Variants in NMT1 observed in about 807,000 individuals in gnomAD.
The protein encoded by NMT1 is N-myristoyltransferase 1.
NMT1 carries 12 observed loss-of-function variants against 63.4 expected under a neutral mutation model. That is an observed-to-expected ratio of 0.19 (90% CI 0.12 to 0.31). The LOEUF is 0.31. NMT1 is among the 10% of genes least tolerant of loss of function. NMT1 has a pLI of 1.00. For missense variants in NMT1, 432 were observed against 634.6 expected, an observed-to-expected ratio of 0.68 and a Z score of 3.43; for synonymous variants, 228 against 234.3, an observed-to-expected ratio of 0.97 and a Z score of 0.25.
chr17:45,068,709 C>A (rs1451371072), intron 1 of NMT1, among the ~76,000 whole-genome samples: 1 of 151,792 alleles, frequency 6.6e-6, no homozygotes, highest in African/African-American at 2.4e-5. Flanking sequence ...TACAGTGGCA[C>A]GATCTTAGCT....
intron 5 of NMT1, 22 bp from the exon 6 acceptor site, chr17:45,097,106 C>G (rs772687364): frequency 6.2e-6 from 10 of 1,603,632 alleles, no homozygotes; most frequent in Middle Eastern, 1.7e-4. Flanking sequence ...GCAGCACAAC[C>G]ACCCCAGCCT....
chr17:45,071,779 G>C (rs185332689), intron 1 of NMT1, among the ~76,000 whole-genome samples: 8 of 152,244 alleles, frequency 5.3e-5, no homozygotes, highest in African/African-American at 1.9e-4. Context: ...GAGTACAGTG[G>C]CTATTCACAA....
chr17:45,079,976 G>T (rs775427983), intron 1 of NMT1, among the ~76,000 whole-genome samples: 1 of 152,184 alleles, frequency 6.6e-6, no homozygotes, highest in South Asian at 2.1e-4. Context: ...GGGATTACAG[G>T]CGTGAGCCAC....
chr17:45,100,427 G>A (rs778555135), intron 8 of NMT1, among the ~76,000 whole-genome samples: 46 of 151,568 alleles, frequency 3.0e-4, no homozygotes, highest in Non-Finnish European at 6.0e-4. Context: ...TTAGCCAGTC[G>A]TGGTGTGGTG....
intron 8 of NMT1, chr17:45,099,845 A>G (rs1277479712): frequency 3.9e-6 from 1 of 258,906 alleles, no homozygotes; most frequent in African/African-American, 2.2e-5. Context: ...CTTCATACAC[A>G]CGGCAGCGCG....
intron 1 of NMT1, among the ~76,000 whole-genome samples, chr17:45,077,569 T>C (rs934683479): frequency 6.6e-6 from 1 of 152,198 alleles, no homozygotes; most frequent in Non-Finnish European, 1.5e-5. Flanking sequence ...TTTGTATTTT[T>C]AGTAGAGACA....
chr17:45,099,529 G>A lies in NMT1; in HGVS notation c.993+16G>A. Reference sequence around the variant, plus strand: ...ACTGCCAGAGGCCAGTGCTGCCCCGGGTGGTGGGCAGGGGGCAGAGAGAGG... The same window carrying A: ...ACTGCCAGAGGCCAGTGCTGCCCCGAGTGGTGGGCAGGGGGCAGAGAGAGG... On this transcript the variant is annotated intron_variant, in intron 8 of 11. Coordinates refer to ENST00000258960, the MANE Select transcript of NMT1 (RefSeq NM_021079.5). 2 of 1,578,974 alleles carry A rather than the reference G, an allele frequency of 1.3e-6. No individual in the cohort carries two copies. Among genetic ancestry groups the A allele is most frequent in the Admixed American group, 3.3e-5 (2 of 59,988 alleles).
At chr17:45,094,566 G>A (rs924209063) in intron 4 of NMT1, among the ~76,000 whole-genome samples, 3 of 149,732 alleles carry the variant, frequency 2.0e-5, no homozygotes, top group African/African-American at 7.4e-5. Flanking sequence ...CCAGGCTGGA[G>A]TGCAGTGACA....
In NMT1 at chr17:45,103,474, C is replaced by T. The variant is rs1231641396; in HGVS notation, c.1165-235C>T. 2.0e-5 allele frequency among the ~76,000 whole-genome samples: 3 copies of T among 152,198 alleles called. No individual in the cohort carries two copies. Among genetic ancestry groups the T allele is most frequent in the Admixed American group, 6.5e-5 (1 of 15,276 alleles). The stretch of plus-strand genomic sequence containing the variant: ...GGATGTGAGCTGCAAGAAGAGGTCC[C>T]TGGCGGTGCCCATGCTGGGAAAGAG... On this transcript the variant is annotated intron_variant, in intron 9 of 11. Transcript: ENST00000258960. The surrounding 1 kb of genome is among the most constrained non-coding windows in gnomAD (Gnocchi z 4.8).
rs996603447 is a variant in NMT1 at position 45,081,830 on chromosome 17, A to G, written c.240+78A>G. On this transcript the variant is annotated intron_variant, in intron 2 of 11. Transcript: ENST00000258960. ...GTTTTGAGGTGAATGTATAGGATCAACTTGGATTGACGTTCTCCACTGGTA... is the reference window on the plus strand; with the variant it reads ...GTTTTGAGGTGAATGTATAGGATCAGCTTGGATTGACGTTCTCCACTGGTA... The G allele has an allele frequency of 4.6e-6, 5 of 1,096,406 alleles. No individual in the cohort carries two copies. The East Asian group carries it at 1.3e-4, about 28-fold the overall frequency. The allele number at this position is 1,096,406 out of a possible 1,614,324, so 67.9% of individuals were successfully genotyped here.
chr17:45,099,450 G>A lies in NMT1; in HGVS notation c.930G>A (p.Lys310=). ...ACCCACGGAAGCTGATTGAAGTGAA[G>A]TTCTCCCACCTGAGCAGAAATATGA... ...SLNPRKLIEV[K]FSHLSRNMTM... The change falls in exon 8 of 12, where the codon AAG becomes AAA. Residue 310 remains lysine (K), a synonymous_variant. Coordinates refer to ENST00000258960, the MANE Select transcript of NMT1 (RefSeq NM_021079.5). 2.5e-6 allele frequency: 4 copies of A among 1,614,190 alleles called. No homozygotes were observed. Among genetic ancestry groups the A allele is most frequent in the African/African-American group, 1.3e-5 (1 of 75,052 alleles).
At chr17:45,092,299 A>G (rs1280272075) in intron 3 of NMT1, among the ~76,000 whole-genome samples, 2 of 152,154 alleles carry the variant, frequency 1.3e-5, no homozygotes. Context: ...GTGCTCAGTA[A>G]TGTGTCTGAT....
chr17:45,094,367 G>A (rs145168596), intron 4 of NMT1, among the ~76,000 whole-genome samples: 3 of 151,436 alleles, frequency 2.0e-5, no homozygotes, highest in Non-Finnish European at 4.4e-5. Context: ...GGTGGTGTAC[G>A]CCTGTATCCC....
intron 4 of NMT1, 102 bp downstream of exon 4, chr17:45,093,905 G>A (rs1013081428): frequency 1.5e-4 from 137 of 920,980 alleles, no homozygotes; most frequent in Non-Finnish European, 8.1e-5. Context: ...CTAGAGAGCT[G>A]AGCCAAGGAG....
chr17:45,073,134 G>A (rs2053954158), intron 1 of NMT1, among the ~76,000 whole-genome samples: 1 of 151,988 alleles, frequency 6.6e-6, no homozygotes, highest in Non-Finnish European at 1.5e-5. Context: ...TGTATAAGAT[G>A]TAGTCTGGCC....
In NMT1 at chr17:45,093,673, CTCT is replaced by C; in HGVS notation, c.386-7_386-5del. 2 of 1,611,538 alleles carry C rather than the reference CTCT, an allele frequency of 1.2e-6. No homozygotes were observed. Among genetic ancestry groups the C allele is most frequent in the African/African-American group, 1.3e-5 (1 of 75,038 alleles). On this transcript the variant is annotated splice_polypyrimidine_tract_variant and intron_variant, in intron 3 of 11. Coordinates refer to ENST00000258960, the MANE Select transcript of NMT1 (RefSeq NM_021079.5). Reference sequence around the variant, plus strand: ...GCAAAGGGTGAGGCTCACAGCTGTGCTCTTCTTTCAGGCGAAGTGGTGAACACC... The same window carrying C: ...GCAAAGGGTGAGGCTCACAGCTGTGCTCTTTCAGGCGAAGTGGTGAACACC...
At chr17:45,102,920 T>A (rs1012336803) in intron 8 of NMT1, 31 bp from the exon 9 acceptor site, 1 of 1,588,098 alleles carries the variant, frequency 6.3e-7, no homozygotes, top group Non-Finnish European at 8.6e-7. Context: ...GATCAGCTCA[T>A]CTCACTCCAT....
At chr17:45,074,321 TCTC>T (rs2053963917) in intron 1 of NMT1, among the ~76,000 whole-genome samples, 1 of 151,926 alleles carries the variant, frequency 6.6e-6, no homozygotes, top group South Asian at 2.1e-4. Flanking sequence ...TTCACGCCAT[TCTC>T]CTGCCTCAGC....
Position 45,107,996 on chromosome 17 carries a change from C to G in NMT1, c.*2357C>G, listed in dbSNP as rs905022668. The G allele has an allele frequency of 2.0e-5, 3 of 152,422 alleles. No homozygotes were observed. Among genetic ancestry groups the G allele is most frequent in the Non-Finnish European group, 4.4e-5 (3 of 68,090 alleles). The allele number at this position is 152,422 out of a possible 1,614,324, so 9.4% of individuals were successfully genotyped here. On this transcript the variant is annotated 3_prime_UTR_variant, in exon 12 of 12. Transcript: ENST00000258960. ...CCCAGTAGTCCCTGCGTTCTTCATT[C>G]AACCCCTTCTGGGACTTCAGCTCAG...
Sources: allele counts gnomAD v4.1 joint callset (sites outside exome capture counted in the v4.1 genomes callset), GRCh38; gene constraint gnomAD v4.1.1; non-coding constraint Gnocchi (gnomAD v3.1); transcripts MANE v1.5; gene names NCBI Gene and HGNC (gene_info 2026-07-23, HGNC 2026-07-21).